Variants in ROBO2 observed in about 807,000 individuals in gnomAD.
ROBO2 encodes roundabout guidance receptor 2.
In ROBO2, 53 loss-of-function variants were observed where a neutral mutation model predicts 160.8. The ratio of observed to expected loss-of-function variants is 0.33; its 90% CI spans 0.26 to 0.41. ROBO2 has a LOEUF of 0.41. Ranked by LOEUF, ROBO2 falls within the 10% of genes least tolerant of loss-of-function variation. The pLI, the probability that ROBO2 is intolerant of heterozygous loss-of-function variation, is 1.00. For synonymous variants in ROBO2, 664 were observed against 611.7 expected, an observed-to-expected ratio of 1.09 and a Z score of -1.26; for missense variants, 1,577 against 1,722.4, an observed-to-expected ratio of 0.92 and a Z score of 1.49.
At chr3:76,273,001 T>TATATATATA (rs1707660830) in intron 2 of ROBO2, among the ~76,000 whole-genome samples, 1 of 93,372 alleles carries the variant, frequency 1.1e-5, no homozygotes, top group African/African-American at 4.3e-5. Context: ...ATATAATTTA[T>TATATATATA]ATATAAAAAT....
chr3:77,125,541 A>C (rs2075235242), intron 2 of ROBO2, among the ~76,000 whole-genome samples: 1 of 152,158 alleles, frequency 6.6e-6, no homozygotes, highest in South Asian at 2.1e-4. Context: ...TAACGACGAA[A>C]AGATTGATCA....
chr3:76,067,927 C>T (rs1304085021), intron 2 of ROBO2, among the ~76,000 whole-genome samples: 1 of 152,114 alleles, frequency 6.6e-6, no homozygotes, highest in Non-Finnish European at 1.5e-5. Context: ...TAGCAGTGAA[C>T]AACGGGCGAA....
chr3:76,057,543 A>T (rs73842928), intron 2 of ROBO2, among the ~76,000 whole-genome samples: 2,991 of 152,294 alleles, frequency 0.02, 35 homozygotes, highest in East Asian at 0.081. Context: ...TGCATTCGGA[A>T]TTATCCCCAA....
rs201920028 is a variant in ROBO2 at position 77,602,430 on chromosome 3, G to A, written c.3075G>A (p.Gln1025=). 25 of 1,613,856 alleles carry A rather than the reference G, an allele frequency of 1.5e-5. No homozygotes were observed. In the African/African-American group the frequency reaches 2.9e-4, roughly 19 times the overall value. ...ATCCACAATGGAAAAGCTCAATTCA[G>A]CAAAAAACAGATCTGATGGGATTTG... Residue 1025 remains glutamine (Q), a synonymous_variant, in exon 20 of 26, where the codon CAG becomes CAA. Transcript: ENST00000461745.
intron 2 of ROBO2, among the ~76,000 whole-genome samples, chr3:76,267,311 C>T (rs1707159739): frequency 6.6e-6 from 1 of 152,156 alleles, no homozygotes; most frequent in African/African-American, 2.4e-5. Flanking sequence ...CAATGTGTGA[C>T]ACTTTCATTA....
Position 75,937,866 on chromosome 3 carries a change from T to C in ROBO2, c.109+264T>C, listed in dbSNP as rs1012342588. On this transcript the variant is annotated intron_variant, in intron 2 of 26. Coordinates refer to the ROBO2 transcript ENST00000487694. Reference sequence around the variant, plus strand: ...TTATATATATATATATATATATATATATATATATGAGGTATTATGAGGCTA... The same window carrying C: ...TTATATATATATATATATATATATACATATATATGAGGTATTATGAGGCTA... Among the ~76,000 whole-genome samples, 52 of 143,896 alleles carry C rather than the reference T, an allele frequency of 3.6e-4. 1 individual carries two copies. In the East Asian group the frequency reaches 9.9e-3, roughly 28 times the overall value. The allele number at this position is 143,896 out of a possible 152,430, so 94.4% of individuals were successfully genotyped here. A position where few individuals can be genotyped will look rare whatever the true frequency, so the allele number is the denominator to read the frequency against.
intron 4 of ROBO2, among the ~76,000 whole-genome samples, chr3:77,483,367 G>GA (rs150860738): frequency 2.6e-3 from 389 of 149,724 alleles, no homozygotes; most frequent in Admixed American, 3.9e-3. Context: ...GAACATAAAA[G>GA]AAAAAAAAAC....
At chr3:77,230,079 A>T (rs1251476326) in intron 2 of ROBO2, among the ~76,000 whole-genome samples, 1 of 151,560 alleles carries the variant, frequency 6.6e-6, no homozygotes, top group Non-Finnish European at 1.5e-5. Flanking sequence ...TGTTACTTGA[A>T]TCACCCATGC....
intron 2 of ROBO2, among the ~76,000 whole-genome samples, chr3:77,406,785 A>T (rs1158778748): frequency 6.6e-6 from 1 of 152,166 alleles, no homozygotes; most frequent in Non-Finnish European, 1.5e-5. Flanking sequence ...GAGACAAGTC[A>T]CAATTTCTAA....
At chr3:76,002,689 C>A (rs934309185) in intron 2 of ROBO2, among the ~76,000 whole-genome samples, 2 of 152,106 alleles carry the variant, frequency 1.3e-5, no homozygotes, top group African/African-American at 4.8e-5. Context: ...ACCCAGTCTC[C>A]AGTATGTCTT....
At chr3:76,804,193 G>C (rs752307671) in intron 2 of ROBO2, among the ~76,000 whole-genome samples, 1 of 152,194 alleles carries the variant, frequency 6.6e-6, no homozygotes, top group Non-Finnish European at 1.5e-5. Flanking sequence ...TGGCTAAAGA[G>C]AGAGGACAGC....
chr3:77,145,436 G>A (rs558332202), intron 2 of ROBO2, among the ~76,000 whole-genome samples: 8 of 152,138 alleles, frequency 5.3e-5, no homozygotes, highest in Non-Finnish European at 1.2e-4. Flanking sequence ...TTTAAGTCAT[G>A]TCTTTTGGCT....
At chr3:76,342,699 A>G (rs1334411285) in intron 2 of ROBO2, among the ~76,000 whole-genome samples, 2 of 152,110 alleles carry the variant, frequency 1.3e-5, no homozygotes, top group Non-Finnish European at 2.9e-5. Flanking sequence ...AAATCACTAG[A>G]GTATGGTAGG....
rs1206718566 is a variant in ROBO2 at position 77,408,116 on chromosome 3, C to CA, written c.389-69291dup. Among the ~76,000 whole-genome samples the CA allele has an allele frequency of 2.6e-5, 4 of 151,250 alleles. No individual in the cohort carries two copies. In the East Asian group the frequency reaches 7.8e-4, roughly 29 times the overall value. ...AAAAACAAAAAAAAAAATAAACAAA[C>CA]AAAAAAACCTTCCATGAACTGCATT... On this transcript the variant is annotated intron_variant, in intron 2 of 25. Coordinates refer to ENST00000461745, the Ensembl canonical transcript of ROBO2.
intron 2 of ROBO2, among the ~76,000 whole-genome samples, chr3:76,343,971 G>T (rs2108207705): frequency 6.6e-6 from 1 of 151,968 alleles, no homozygotes; most frequent in Middle Eastern, 3.4e-3. Flanking sequence ...AAAGCATTTT[G>T]ATATACCTTG....
At chr3:77,348,506 G>A (rs756280602) in intron 2 of ROBO2, among the ~76,000 whole-genome samples, 3 of 151,970 alleles carry the variant, frequency 2.0e-5, no homozygotes, top group Non-Finnish European at 4.4e-5. Context: ...ACCTTGGGTC[G>A]ACCTCCTATC....
intron 2 of ROBO2, among the ~76,000 whole-genome samples, chr3:76,912,093 A>G (rs1217458138): frequency 6.6e-6 from 1 of 152,226 alleles, no homozygotes; most frequent in East Asian, 1.9e-4. Context: ...GATATTGAAC[A>G]TTAGACATAG....
At chr3:77,562,511 A>G (rs554862979) in intron 9 of ROBO2, 140 bp from the exon 11 acceptor site, 54 of 629,758 alleles carry the variant, frequency 8.6e-5, no homozygotes, top group Non-Finnish European at 1.2e-4. Flanking sequence ...ATGTATACAT[A>G]TGATTGACTC....
At chr3:76,965,957 T>C (rs1448201323) in intron 2 of ROBO2, among the ~76,000 whole-genome samples, 1 of 145,834 alleles carries the variant, frequency 6.9e-6, no homozygotes, top group Non-Finnish European at 1.5e-5. Flanking sequence ...AGTTTCACTC[T>C]TGTTGCCCAG....
Sources: allele counts gnomAD v4.1 joint callset (sites outside exome capture counted in the v4.1 genomes callset), GRCh38; gene constraint gnomAD v4.1.1; transcripts MANE v1.5; gene names NCBI Gene and HGNC (gene_info 2026-07-23, HGNC 2026-07-21).